The following PIGN variants were observed in gnomAD, a reference collection of about 807,000 sequenced individuals.
The protein encoded by PIGN is phosphatidylinositol glycan anchor biosynthesis class N, also known as GPI ethanolamine phosphate transferase 1.
A neutral mutation model predicts 125.4 loss-of-function variants in PIGN; 117 were observed. That is an observed-to-expected ratio of 0.93 (90% confidence interval 0.80 to 1.09). The LOEUF (loss-of-function observed/expected upper bound fraction) is 1.09, where lower values mean the gene tolerates loss of function less well. Among genes scored for constraint, PIGN ranks in the 50% least tolerant of loss-of-function variants. The pLI, the probability that PIGN is intolerant of heterozygous loss-of-function variation, is 0.00. For missense variants in PIGN, 1,075 were observed against 1,094.9 expected, an observed-to-expected ratio of 0.98 and a Z score of 0.26; for synonymous variants, 392 against 377.8, an observed-to-expected ratio of 1.04 and a Z score of -0.44.
At chr18:62,166,158 T>C (rs2037127283) in intron 1 of PIGN, among the ~76,000 whole-genome samples, 1 of 152,222 alleles carries the variant, frequency 6.6e-6, no homozygotes, top group Non-Finnish European at 1.5e-5. Context: ...GGAGCTGGGC[T>C]ACTCTGAGTT....
chr18:62,024,725 C>T (rs4941098), intron 23 of PIGN, among the ~76,000 whole-genome samples: 64,224 of 152,008 alleles, frequency 0.42, 15,259 homozygotes, highest in African/African-American at 0.64. Flanking sequence ...CAGTGGCTCA[C>T]GTCTGTAATC....
chr18:62,100,360 T>C (rs1451582227), intron 22 of PIGN, among the ~76,000 whole-genome samples: 2 of 152,204 alleles, frequency 1.3e-5, no homozygotes, highest in Non-Finnish European at 2.9e-5. Context: ...CTTTGTACAT[T>C]GTTGGTGGGA....
chr18:62,131,326 CCT>C (rs1349677752), intron 14 of PIGN, among the ~76,000 whole-genome samples: 3 of 152,178 alleles, frequency 2.0e-5, no homozygotes, highest in Non-Finnish European at 4.4e-5. Context: ...TATTCTTCCC[CCT>C]AAGATATCTC....
intron 14 of PIGN, among the ~76,000 whole-genome samples, chr18:62,130,531 T>C (rs1399358726): frequency 1.4e-5 from 2 of 141,754 alleles, no homozygotes; most frequent in East Asian, 3.9e-4. Flanking sequence ...ACATGTCATG[T>C]TTAAGTTAAA....
intron 23 of PIGN, among the ~76,000 whole-genome samples, chr18:62,032,739 C>G (rs2030208657): frequency 6.6e-6 from 1 of 152,026 alleles, no homozygotes; most frequent in Non-Finnish European, 1.5e-5. Context: ...TTCAGTTTTC[C>G]CATCTGTAAA....
chr18:62,158,229 T>C (rs1304498855), intron 4 of PIGN, among the ~76,000 whole-genome samples: 1 of 152,164 alleles, frequency 6.6e-6, no homozygotes, highest in Non-Finnish European at 1.5e-5. Flanking sequence ...GCTTTCGAAT[T>C]GTTAAGGAAA....
chr18:62,113,179 G>C lies in PIGN; in HGVS notation c.1389C>G (p.Ile463Met), dbSNP rs370789611. ...CTTTTATAAGGTTGGAATGAGACTT[G>C]ATGATCAACAAAGAGGCATAAGATA... is the stretch of plus-strand genomic sequence containing the variant. ...GWISYASLLI[I>M]KSHSNLIKGV... is the part of the protein sequence containing the mutation. Residue 463 changes from isoleucine to methionine, a missense_variant, in exon 16 of 31, where the codon ATC becomes ATG. By Grantham distance (10) the Ile-to-Met change is conservative. Coordinates refer to ENST00000640252, the MANE Select transcript of PIGN (RefSeq NM_176787.5). 6.2e-7 allele frequency: 1 copy of C among 1,612,144 alleles called. No homozygotes were observed. Among genetic ancestry groups the C allele is most frequent in the Non-Finnish European group, 8.5e-7 (1 of 1,179,058 alleles).
chr18:62,077,628 G>A (rs1419628921), intron 28 of PIGN, among the ~76,000 whole-genome samples: 1 of 152,086 alleles, frequency 6.6e-6, no homozygotes, highest in Non-Finnish European at 1.5e-5. Context: ...GAAAAATTAA[G>A]TCAGGTAATA....
chr18:62,051,462 C>G (rs1293702228), intron 30 of PIGN, among the ~76,000 whole-genome samples: 5 of 151,972 alleles, frequency 3.3e-5, no homozygotes, highest in African/African-American at 1.2e-4. Flanking sequence ...TTATCCATTT[C>G]TTCTAGATTT....
intron 23 of PIGN, among the ~76,000 whole-genome samples, chr18:62,035,382 G>C (rs979499308): frequency 1.3e-5 from 2 of 152,142 alleles, no homozygotes; most frequent in Admixed American, 1.3e-4. Flanking sequence ...CCAATGCCTT[G>C]ATTATGGCCA....
At chr18:62,150,197 T>C (rs1450470743) in intron 7 of PIGN, among the ~76,000 whole-genome samples, 1 of 152,200 alleles carries the variant, frequency 6.6e-6, no homozygotes, top group Admixed American at 6.5e-5. Flanking sequence ...TTGGCTAGGC[T>C]GGTCTCAAAC....
At chr18:62,084,765 C>T (rs1171301058) in intron 26 of PIGN, among the ~76,000 whole-genome samples, 159 bp from the exon 27 acceptor site, 1 of 152,092 alleles carries the variant, frequency 6.6e-6, no homozygotes, top group Admixed American at 6.6e-5. Flanking sequence ...GCAGTAGATC[C>T]GAATGTGCCA....
intron 14 of PIGN, among the ~76,000 whole-genome samples, chr18:62,126,728 A>G (rs72941859): frequency 0.17 from 25,727 of 152,010 alleles, 2,936 homozygotes; most frequent in Middle Eastern, 0.29. Flanking sequence ...TCCAAAATCT[A>G]TATTTAGAGC....
intron 14 of PIGN, among the ~76,000 whole-genome samples, chr18:62,117,263 T>C (rs2035122697): frequency 6.6e-6 from 1 of 152,130 alleles, no homozygotes; most frequent in African/African-American, 2.4e-5. Context: ...TGGTATCACA[T>C]ACTTTAAACA....
chr18:62,018,072 G>A (rs1000356956), intron 23 of PIGN, among the ~76,000 whole-genome samples: 4 of 152,318 alleles, frequency 2.6e-5, no homozygotes, highest in African/African-American at 9.6e-5. Context: ...AGGCTTTGGC[G>A]ATAGCTAAAA....
intron 14 of PIGN, 161 bp downstream of exon 14, chr18:62,138,082 T>C: frequency 9.9e-7 from 1 of 1,009,948 alleles, no homozygotes; most frequent in African/African-American, 1.7e-5. Flanking sequence ...TGGCTCATTA[T>C]TTAACAACAG....
chr18:62,180,694 C>A (rs1371943616), intron 1 of PIGN, among the ~76,000 whole-genome samples: 1 of 151,994 alleles, frequency 6.6e-6, no homozygotes, highest in African/African-American at 2.4e-5. Flanking sequence ...GGGTTATTGA[C>A]CTTTTATTTG....
intron 9 of PIGN, 34 bp downstream of exon 9, chr18:62,146,937 T>C (rs1286767213): frequency 3.1e-6 from 5 of 1,596,592 alleles, no homozygotes; most frequent in Non-Finnish European, 4.3e-6. Flanking sequence ...ACTACTTTAA[T>C]TGTAAGGTAC....
chr18:62,148,588 C>T lies in PIGN; in HGVS notation c.550-250G>A, dbSNP rs114340879. On this transcript the variant is annotated intron_variant, in intron 7 of 30. Transcript: ENST00000640252. ...GATGTTAGAAAGGGGATCATAATTT[C>T]ATAGAGATCTCATAATGTTGTTAAT... Among the ~76,000 whole-genome samples, 401 of 152,216 alleles carry T rather than the reference C, an allele frequency of 2.6e-3. No homozygotes were observed. The highest frequency in any genetic ancestry group is 9.5e-3 in the African/African-American group (393 of 41,544).
Sources: gnomAD v4.1 joint callset for allele counts (sites outside exome capture counted in the v4.1 genomes callset) on GRCh38, gnomAD v4.1.1 for gene constraint, MANE v1.5 for transcripts, NCBI Gene and HGNC (gene_info 2026-07-23, HGNC 2026-07-21) for gene names.